OPCML: variants seen among roughly 807,000 people sequenced by gnomAD.
OPCML encodes opioid binding protein/cell adhesion molecule like, also known as opioid-binding protein/cell adhesion molecule.
Under a neutral mutation model 37.8 loss-of-function variants are expected in OPCML, and 13 were observed. The observed-to-expected ratio is 0.34, with a 90% confidence interval of 0.22 to 0.55. The LOEUF is 0.55. OPCML is among the 20% of genes least tolerant of loss of function. OPCML has a pLI of 0.91. For missense variants in OPCML, 341 were observed against 435.6 expected, an observed-to-expected ratio of 0.78 and a Z score of 1.93; for synonymous variants, 176 against 168.8, an observed-to-expected ratio of 1.04 and a Z score of -0.33.
intron 3 of OPCML, among the ~76,000 whole-genome samples, chr11:132,603,055 A>AT (rs1300187569): frequency 6.6e-6 from 1 of 152,106 alleles, no homozygotes; most frequent in Non-Finnish European, 1.5e-5. Flanking sequence ...ACTTGTACAA[A>AT]TTTAGTCTTT....
intron 1 of OPCML, among the ~76,000 whole-genome samples, chr11:133,403,247 A>G (rs1015259062): frequency 6.6e-6 from 1 of 152,246 alleles, no homozygotes; most frequent in African/African-American, 2.4e-5. Flanking sequence ...CAAATAAAAT[A>G]GTATACTTAA....
At chr11:132,856,052 T>A (rs1025599656) in intron 2 of OPCML, among the ~76,000 whole-genome samples, 1 of 152,192 alleles carries the variant, frequency 6.6e-6, no homozygotes, top group African/African-American at 2.4e-5. Context: ...GAGGAGTGCT[T>A]TGACTATAAG....
intron 3 of OPCML, among the ~76,000 whole-genome samples, chr11:132,611,278 C>T (rs9787796): frequency 0.21 from 31,261 of 151,962 alleles, 4,513 homozygotes; most frequent in African/African-American, 0.4. Flanking sequence ...GAAATCTTTG[C>T]GTGCTGTAGC....
At chr11:132,799,856 A>G (rs145942717) in intron 2 of OPCML, among the ~76,000 whole-genome samples, 2 of 152,242 alleles carry the variant, frequency 1.3e-5, no homozygotes, top group East Asian at 3.9e-4. Context: ...TTAAAATTGG[A>G]TAGTGTGATT....
chr11:133,332,773 G>A (rs1368842386), intron 1 of OPCML, among the ~76,000 whole-genome samples: 2 of 152,068 alleles, frequency 1.3e-5, no homozygotes, highest in Non-Finnish European at 2.9e-5. Context: ...GTTTTCATAT[G>A]TTGAACCAAC....
rs181966832 is a variant in OPCML, at chr11:132,824,206, C to T, written c.146+118720G>A. Among the ~76,000 whole-genome samples the T allele has an allele frequency of 3.3e-5, 5 of 152,298 alleles. No individual in the cohort carries two copies. The East Asian group carries it at 9.6e-4, about 29-fold the overall frequency. ...TGCCTCTTCAAAAATACTAGTCCTC[C>T]TTCTCTGGCTTTCTTTCTCTCACTG... On this transcript the variant is annotated intron_variant, in intron 2 of 7. Transcript: ENST00000524381.
chr11:133,141,093 AG>A lies in OPCML; in HGVS notation c.62-198084del, dbSNP rs1565469360. ...AAGAAGAAGAAGAAGAAGAAGAAGAAGGAGAAGAAGAAGCAGCTGAATGCCA... is the reference window on the plus strand; with the variant it reads ...AAGAAGAAGAAGAAGAAGAAGAAGAAGAGAAGAAGAAGCAGCTGAATGCCA... On this transcript the variant is annotated intron_variant, in intron 1 of 7. Coordinates refer to ENST00000524381, the MANE Select transcript of OPCML (RefSeq NM_001012393.5). 2.7e-4 allele frequency among the ~76,000 whole-genome samples: 29 copies of A among 108,860 alleles called. 8 individuals carry two copies. Among genetic ancestry groups the A allele is most frequent in the African/African-American group, 1.3e-3 (29 of 21,992 alleles). The allele number at this position is 108,860 out of a possible 152,430, so 71.4% of individuals were successfully genotyped here.
chr11:133,449,114 T>C (rs1049445020), intron 1 of OPCML, among the ~76,000 whole-genome samples: 1 of 152,218 alleles, frequency 6.6e-6, no homozygotes, highest in African/African-American at 2.4e-5. Context: ...AAAATATCCC[T>C]GTCCTCTTTG....
chr11:133,056,848 A>G (rs903898860), intron 1 of OPCML, among the ~76,000 whole-genome samples: 9 of 152,092 alleles, frequency 5.9e-5, no homozygotes, highest in African/African-American at 1.4e-4. Flanking sequence ...TATTTATTTA[A>G]TTTATTTATT....
intron 1 of OPCML, among the ~76,000 whole-genome samples, chr11:133,115,277 C>A (rs1288447405): frequency 6.6e-6 from 1 of 152,146 alleles, no homozygotes; most frequent in Non-Finnish European, 1.5e-5. Context: ...GAGGACTGGG[C>A]GGACATCCAG....
At chr11:132,754,858 A>G (rs546371209) in intron 2 of OPCML, among the ~76,000 whole-genome samples, 48 of 152,302 alleles carry the variant, frequency 3.2e-4, no homozygotes, top group African/African-American at 1.1e-3. Flanking sequence ...CTGGAAATCA[A>G]GCAGTTCAGA....
intron 1 of OPCML, among the ~76,000 whole-genome samples, chr11:133,314,160 A>G (rs113026576): frequency 0.087 from 11,707 of 134,124 alleles, 701 homozygotes; most frequent in African/African-American, 0.18. Context: ...GCGTGAACCC[A>G]GGAGTCGGAG....
intron 1 of OPCML, among the ~76,000 whole-genome samples, chr11:133,458,275 C>CACATATATACACGTGTGTGTGTATATAT (rs1946733442): frequency 5.3e-5 from 2 of 37,846 alleles, no homozygotes; most frequent in African/African-American, 3.2e-4. Flanking sequence ...TGTATATATA[C>CACATATATACACGTGTGTGTGTATATAT]ACACATATAT....
intron 1 of OPCML, among the ~76,000 whole-genome samples, chr11:133,331,966 G>A (rs1297069772): frequency 1.3e-5 from 2 of 152,022 alleles, no homozygotes; most frequent in African/African-American, 4.8e-5. Flanking sequence ...TAGTTTTTGT[G>A]AAGAGTGTCA....
At chr11:132,655,593 G>A (rs935170814) in intron 3 of OPCML, among the ~76,000 whole-genome samples, 1 of 152,330 alleles carries the variant, frequency 6.6e-6, no homozygotes, top group Non-Finnish European at 1.5e-5. Flanking sequence ...CTGAAAGCAC[G>A]CGAGGAGGGG....
intron 1 of OPCML, among the ~76,000 whole-genome samples, chr11:133,345,311 A>T (rs1469466420): frequency 2.0e-5 from 3 of 152,242 alleles, no homozygotes; most frequent in Non-Finnish European, 4.4e-5. Context: ...CAGAGGCAGC[A>T]GCCAAATGTA....
chr11:132,480,159 C>T (rs1359638102), intron 4 of OPCML, among the ~76,000 whole-genome samples: 1 of 152,040 alleles, frequency 6.6e-6, no homozygotes, highest in Non-Finnish European at 1.5e-5. Context: ...ATAACCAATA[C>T]AGAGAAGTGC....
At chr11:133,194,538 A>G (rs1017798266) in intron 1 of OPCML, among the ~76,000 whole-genome samples, 19 of 152,056 alleles carry the variant, frequency 1.2e-4, no homozygotes, top group African/African-American at 4.3e-4. Context: ...TATCACTATC[A>G]CTTTACTTCA....
intron 1 of OPCML, among the ~76,000 whole-genome samples, chr11:133,349,828 C>G (rs947022941): frequency 2.0e-5 from 3 of 152,194 alleles, no homozygotes; most frequent in African/African-American, 7.2e-5. Context: ...ATGCACAGAG[C>G]ATATTTTCTT....
Sources: allele counts gnomAD v4.1 joint callset (sites outside exome capture counted in the v4.1 genomes callset), GRCh38; gene constraint gnomAD v4.1.1; transcripts MANE v1.5; gene names NCBI Gene and HGNC (gene_info 2026-07-23, HGNC 2026-07-21).